Variants in COP1 observed in about 807,000 individuals in gnomAD.
COP1 encodes the protein E3 ubiquitin-protein ligase COP1.
Under a neutral mutation model 101.3 loss-of-function variants are expected in COP1, and 24 were observed. The ratio of observed to expected loss-of-function variants is 0.24; its 90% CI spans 0.17 to 0.33. The LOEUF is 0.33. Among genes scored for constraint, COP1 ranks in the 10% least tolerant of loss-of-function variants. The pLI, the probability that COP1 is intolerant of heterozygous loss-of-function variation, is 1.00. For synonymous variants in COP1, 347 were observed against 341.9 expected, an observed-to-expected ratio of 1.01 and a Z score of -0.17; for missense variants, 663 against 906.2, an observed-to-expected ratio of 0.73 and a Z score of 3.45.
chr1:176,116,577 A>T (rs1013096007), intron 9 of COP1, 47 bp downstream of exon 9: 26 of 1,385,302 alleles, frequency 1.9e-5, no homozygotes, highest in Non-Finnish European at 2.4e-5. Flanking sequence ...TATAACTCAG[A>T]TAATTATACT....
rs768526872 is a variant in COP1 at position 176,134,998 on chromosome 1, T to C, written c.968+12A>G. ...TATGAATTCTAATCAATTGCAAGTGTGAAGCTTGTACCTGTGTGATGGAGA... is the reference window on the plus strand; with the variant it reads ...TATGAATTCTAATCAATTGCAAGTGCGAAGCTTGTACCTGTGTGATGGAGA... On this transcript the variant is annotated intron_variant, in intron 8 of 19. Coordinates refer to ENST00000367669, the MANE Select transcript of COP1 (RefSeq NM_022457.7). The C allele has an allele frequency of 3.1e-6, 5 of 1,596,056 alleles. No individual in the cohort carries two copies. The highest frequency in any genetic ancestry group is 3.4e-6 in the Non-Finnish European group (4 of 1,164,606).
chr1:176,042,299 G>T (rs1670725072), intron 14 of COP1, among the ~76,000 whole-genome samples: 1 of 135,376 alleles, frequency 7.4e-6, no homozygotes, highest in Admixed American at 8.1e-5. Flanking sequence ...GGTGGCTCAT[G>T]TCTGTAATCC....
rs111352725 is a variant in COP1, at chr1:176,081,079, A to G, written c.1277+73T>C. On this transcript the variant is annotated intron_variant, in intron 11 of 19. Coordinates refer to ENST00000367669, the MANE Select transcript of COP1 (RefSeq NM_022457.7). ...AACCCACGCTTTTAATAATAATGGT[A>G]TAAGTGCTTCTCAAATTCAATTAGA... 1,048 of 1,308,956 alleles carry G rather than the reference A, an allele frequency of 8.0e-4. 8 individuals carry two copies. In the African/African-American group the frequency reaches 0.011, roughly 13 times the overall value. The allele number at this position is 1,308,956 out of a possible 1,614,324, so 81.1% of individuals were successfully genotyped here.
At chr1:176,105,811 C>T (rs1684207521) in intron 9 of COP1, among the ~76,000 whole-genome samples, 2 of 152,146 alleles carry the variant, frequency 1.3e-5, no homozygotes, top group African/African-American at 2.4e-5. Context: ...ATGATTTGCA[C>T]CTGATTTCAG....
intron 18 of COP1, among the ~76,000 whole-genome samples, chr1:175,985,673 C>A (rs1656942931): frequency 6.6e-6 from 1 of 152,164 alleles, no homozygotes; most frequent in Non-Finnish European, 1.5e-5. Context: ...GGGTCACAAT[C>A]CAAATCTGGT....
At chr1:176,070,767 T>C (rs1404709079) in intron 11 of COP1, among the ~76,000 whole-genome samples, 1 of 152,194 alleles carries the variant, frequency 6.6e-6, no homozygotes, top group Non-Finnish European at 1.5e-5. Context: ...TCCTTCCACC[T>C]CACCCTCCTC....
chr1:176,207,048 C>G lies in COP1; in HGVS notation c.-70G>C. ...GCGACCTCGACCCTCCGCCGCCTCC[C>G]CTCCCCTCAGCCTCAGTGCATCCTG... is the stretch of plus-strand genomic sequence containing the variant. On this transcript the variant is annotated 5_prime_UTR_variant, in exon 1 of 20. Transcript: ENST00000367669. 7.9e-7 allele frequency: 1 copy of G among 1,271,502 alleles called. No individual in the cohort carries two copies. The highest frequency in any genetic ancestry group is 1.0e-6 in the Non-Finnish European group (1 of 989,222). 78.8% of individuals were successfully genotyped at this position (1,271,502 alleles called of 1,614,324 possible).
intron 2 of COP1, 71 bp from the exon 3 acceptor site, chr1:176,176,078 T>C (rs1293737438): frequency 4.0e-6 from 3 of 747,224 alleles, no homozygotes; most frequent in Non-Finnish European, 7.1e-6. Context: ...CACAAAATAA[T>C]GACTATTAGT....
At chr1:176,098,286 TTAC>T (rs1231248382) in intron 9 of COP1, among the ~76,000 whole-genome samples, 1 of 152,136 alleles carries the variant, frequency 6.6e-6, no homozygotes, top group Non-Finnish European at 1.5e-5. Context: ...TTGCTAAGAG[TTAC>T]CATTATAATA....
chr1:176,184,565 C>A, intron 2 of COP1, 68 bp downstream of exon 2: 1 of 1,274,882 alleles, frequency 7.8e-7, no homozygotes, highest in South Asian at 1.3e-5. Flanking sequence ...CGTAACTTCT[C>A]ATTGGCTACA....
intron 18 of COP1, among the ~76,000 whole-genome samples, chr1:175,947,922 C>T (rs1430226670): frequency 6.6e-6 from 1 of 152,210 alleles, no homozygotes; most frequent in East Asian, 1.9e-4. Flanking sequence ...CTTCTTCATT[C>T]ATTTTCTCTC....
chr1:176,175,015 T>C (rs149028679), intron 3 of COP1, among the ~76,000 whole-genome samples: 92 of 152,320 alleles, frequency 6.0e-4, no homozygotes, highest in African/African-American at 2.1e-3. Flanking sequence ...TCCCTATTCA[T>C]GTCTCTCTTC....
intron 5 of COP1, among the ~76,000 whole-genome samples, chr1:176,161,021 C>G (rs964630242): frequency 2.0e-5 from 3 of 152,204 alleles, no homozygotes; most frequent in African/African-American, 7.2e-5. Context: ...TTTACTCTGT[C>G]AGATACCTGA....
chr1:176,037,547 GA>G (rs1472873155), intron 14 of COP1, among the ~76,000 whole-genome samples: 2 of 149,724 alleles, frequency 1.3e-5, no homozygotes, highest in Non-Finnish European at 3.0e-5. Context: ...TTCACCCTCT[GA>G]AAAAAACAAA....
intron 9 of COP1, among the ~76,000 whole-genome samples, chr1:176,087,390 A>G (rs1260156417): frequency 2.0e-5 from 3 of 152,190 alleles, no homozygotes; most frequent in Admixed American, 6.5e-5. Context: ...AGAATCTACA[A>G]AGAACACAAA....
chr1:176,149,941 A>C (rs1692156569), intron 5 of COP1, among the ~76,000 whole-genome samples: 1 of 152,178 alleles, frequency 6.6e-6, no homozygotes, highest in East Asian at 1.9e-4. Context: ...ATTCCAAAAC[A>C]AACAAAAATA....
At chr1:176,013,136 A>G (rs1664979767) in intron 15 of COP1, among the ~76,000 whole-genome samples, 1 of 152,114 alleles carries the variant, frequency 6.6e-6, no homozygotes, top group Admixed American at 6.6e-5. Flanking sequence ...TATGTAAATA[A>G]TTGTTATACT....
chr1:176,019,342 AG>A (rs1666277086), intron 15 of COP1, among the ~76,000 whole-genome samples: 1 of 150,148 alleles, frequency 6.7e-6, no homozygotes, highest in African/African-American at 2.5e-5. Flanking sequence ...GTGCGCTTGT[AG>A]TCCCAGCTAC....
chr1:176,170,967 T>C (rs1695953830), intron 3 of COP1, among the ~76,000 whole-genome samples: 1 of 151,206 alleles, frequency 6.6e-6, no homozygotes, highest in Non-Finnish European at 1.5e-5. Context: ...CTACTAAAAA[T>C]ACAAAAAATT....
Sources: allele counts gnomAD v4.1 joint callset (sites outside exome capture counted in the v4.1 genomes callset), GRCh38; gene constraint gnomAD v4.1.1; transcripts MANE v1.5; gene names NCBI Gene and HGNC (gene_info 2026-07-23, HGNC 2026-07-21).